Variants in RABGGTB observed in about 807,000 individuals in gnomAD.
The protein encoded by RABGGTB is geranylgeranyl transferase type-2 subunit beta.
A neutral mutation model predicts 44.5 loss-of-function variants in RABGGTB; 20 were observed. The observed-to-expected ratio is 0.45, with a 90% CI of 0.32 to 0.65. The LOEUF is 0.65. Ranked by LOEUF, RABGGTB falls within the 30% of genes least tolerant of loss-of-function variation. The pLI is 0.05. For synonymous variants in RABGGTB, 128 were observed against 136.7 expected (o/e 0.94, Z 0.44); for missense variants, 302 against 398.7 (o/e 0.76, Z 2.06).
intron 7 of RABGGTB, 27 bp from the exon 8 acceptor site, chr1:75,794,057 A>G: frequency 6.5e-7 from 1 of 1,546,032 alleles, no homozygotes. Context: ...AAGAGAATGA[A>G]ATTGTGGCAA....
At chr1:75,789,846 T>C in intron 3 of RABGGTB, 106 bp from the exon 4 acceptor site, 1 of 809,080 alleles carries the variant, frequency 1.2e-6, no homozygotes, top group South Asian at 1.5e-5. Flanking sequence ...AAAGGTTATA[T>C]ACACAGAGAC....
chr1:75,794,588 G>T lies in RABGGTB; in HGVS notation c.934G>T (p.Val312Phe). The T allele has an allele frequency of 6.2e-7, 1 of 1,613,010 alleles. No individual in the cohort carries two copies. The highest frequency in any genetic ancestry group is 2.2e-5 in the East Asian group (1 of 44,812). Residue 312 changes from valine (V) to phenylalanine (F), a missense_variant, in exon 9 of 9, where the codon GTC becomes TTC. Val to Phe is a conservative substitution (Grantham distance 50, BLOSUM62 -1). Transcript: ENST00000319942. ...GEEQIKPVNP[V>F]FCMPEEVLQR... Reference sequence around the variant, plus strand: ...AGAACAGATTAAACCTGTTAATCCTGTCTTTTGCATGCCTGAAGAAGTGCT... The same window carrying T: ...AGAACAGATTAAACCTGTTAATCCTTTCTTTTGCATGCCTGAAGAAGTGCT...
intron 8 of RABGGTB, 73 bp from the exon 9 acceptor site, chr1:75,794,437 G>T: frequency 6.8e-7 from 1 of 1,467,124 alleles, no homozygotes; most frequent in Non-Finnish European, 9.3e-7. Flanking sequence ...ATATGGTAAA[G>T]GTCAGGTATT....
chr1:75,794,998 A>G lies in RABGGTB; in HGVS notation c.*348A>G, dbSNP rs1437025097. 2.2e-5 allele frequency: 5 copies of G among 230,702 alleles called. No individual in the cohort carries two copies. The highest frequency in any genetic ancestry group is 4.4e-5 in the Non-Finnish European group (5 of 114,436). The allele number at this position is 230,702 out of a possible 1,614,324, so 14.3% of individuals were successfully genotyped here. ...GCAAGTTGATGTAAATTGGTTTGTC[A>G]ACAAGAATGTTAACTGATGAAAGTG... On this transcript the variant is annotated 3_prime_UTR_variant, in exon 9 of 9. Coordinates refer to ENST00000319942, the MANE Select transcript of RABGGTB (RefSeq NM_004582.4).
chr1:75,794,320 G>A (rs1375158032), intron 8 of RABGGTB, 87 bp downstream of exon 8: 16 of 1,462,262 alleles, frequency 1.1e-5, no homozygotes, highest in South Asian at 7.0e-5. Flanking sequence ...GTGGCATTCC[G>A]AGTGTTGCTT....
At chr1:75,791,986 C>T (rs1346946865) in intron 6 of RABGGTB, 195 bp from the exon 7 acceptor site, 3 of 492,398 alleles carry the variant, frequency 6.1e-6, no homozygotes, top group East Asian at 6.5e-5. Flanking sequence ...AATAATATTT[C>T]AGTGCAGAAT....
chr1:75,787,330 C>T (rs1020421158), intron 1 of RABGGTB, 167 bp from the exon 2 acceptor site: 13 of 627,550 alleles, frequency 2.1e-5, no homozygotes, highest in Non-Finnish European at 3.4e-5. Context: ...CTGGCTCAAG[C>T]GATCTTCTAC....
intron 7 of RABGGTB, 112 bp from the exon 8 acceptor site, chr1:75,793,972 G>T: frequency 8.9e-7 from 1 of 1,118,204 alleles, no homozygotes; most frequent in South Asian, 2.0e-5. Context: ...CACATGGTTT[G>T]ACACTTTGAA....
Position 75,791,465 on chromosome 1 carries a change from A to G in RABGGTB, c.473A>G (p.Lys158Arg). 14 of 1,610,490 alleles carry G rather than the reference A, an allele frequency of 8.7e-6. No homozygotes were observed. The highest frequency in any genetic ancestry group is 1.2e-5 in the Non-Finnish European group (14 of 1,178,856). ...CAVATLALLG[K>R]LDAINVEKAI... ...CATCTTTTTTTTTGTTTGTAGGGGA[A>G]GCTTGATGCTATTAATGTGGAAAAG... The change falls in exon 6 of 9, where the codon AAG (lysine) becomes AGG (arginine). Residue 158 changes from lysine (K) to arginine (R), a missense_variant. Lys to Arg is a conservative substitution (Grantham distance 26). This residue lies in a region of RABGGTB where 213 missense variants were observed against 323.7 expected (regional missense o/e 0.66). Coordinates refer to ENST00000319942, the MANE Select transcript of RABGGTB (RefSeq NM_004582.4).
intron 6 of RABGGTB, 142 bp from the exon 7 acceptor site, chr1:75,792,039 G>A: frequency 1.5e-6 from 1 of 678,296 alleles, no homozygotes; most frequent in Non-Finnish European, 2.4e-6. Flanking sequence ...CAGATATGTG[G>A]TATTAATACA....
At chr1:75,791,402 T>G in intron 5 of RABGGTB, 59 bp from the exon 6 acceptor site, 2 of 1,578,088 alleles carry the variant, frequency 1.3e-6, no homozygotes, top group Non-Finnish European at 1.7e-6. Context: ...TTTTTTTTTT[T>G]TGAGTCTGAT....
chr1:75,789,004 A>T, intron 2 of RABGGTB, 155 bp from the exon 3 acceptor site: 1 of 633,120 alleles, frequency 1.6e-6, no homozygotes, highest in Non-Finnish European at 2.8e-6. Flanking sequence ...TCTAACATTG[A>T]GCAGCACAGA....
intron 7 of RABGGTB, 30 bp from the exon 8 acceptor site, chr1:75,794,054 T>G (rs1160602005): frequency 3.2e-6 from 5 of 1,544,634 alleles, no homozygotes; most frequent in East Asian, 2.3e-5. Context: ...TAAAAGAGAA[T>G]GAAATTGTGG....
chr1:75,787,709 G>T, intron 2 of RABGGTB, 105 bp downstream of exon 2: 1 of 870,000 alleles, frequency 1.1e-6, no homozygotes, highest in Non-Finnish European at 1.9e-6. Context: ...ACTCCATGCA[G>T]AGAACTGAGG....
At chr1:75,790,275 G>A (rs768541605) in intron 4 of RABGGTB, 105 of 1,233,214 alleles carry the variant, frequency 8.5e-5, no homozygotes, top group Non-Finnish European at 1.0e-4. Flanking sequence ...AAAAGATAAG[G>A]TAGGTGGAAT....
intron 4 of RABGGTB, 121 bp downstream of exon 4, chr1:75,790,178 G>C: frequency 1.3e-6 from 2 of 1,497,632 alleles, no homozygotes; most frequent in Non-Finnish European, 1.8e-6. Context: ...GGTCTAACTG[G>C]AGTTAATGGT....
intron 1 of RABGGTB, chr1:75,786,612 T>C (rs978988483): frequency 8.8e-6 from 3 of 339,528 alleles, no homozygotes; most frequent in African/African-American, 4.3e-5. Context: ...AAATCGTTAG[T>C]GATGTGGTCT....
At chr1:75,789,592 A>G (rs1348489507) in intron 3 of RABGGTB, 9 of 714,934 alleles carry the variant, frequency 1.3e-5, no homozygotes, top group African/African-American at 8.6e-5. Flanking sequence ...ATACTGTAAA[A>G]TAGCTAAATG....
rs775926738 is a variant in RABGGTB at position 75,792,185 on chromosome 1, A to G, written c.584A>G (p.Tyr195Cys). The G allele has an allele frequency of 2.7e-5, 44 of 1,604,338 alleles. No homozygotes were observed. Among genetic ancestry groups the G allele is most frequent in the Non-Finnish European group, 3.6e-5 (42 of 1,171,262 alleles). ...PGSESHAGQIYCCTGFLAITS... is the reference protein window; with the variant it reads ...PGSESHAGQICCCTGFLAITS... ...ACTTTATGTCTGTAATTTTAGATCT[A>G]TTGTTGCACAGGATTTCTGGCAATT... Residue 195 changes from tyrosine (Y) to cysteine (C), a missense_variant, in exon 7 of 9, where the codon TAT becomes TGT. This residue lies in a region of RABGGTB where 213 missense variants were observed against 323.7 expected (regional missense o/e 0.66). Transcript: ENST00000319942.
Sources: allele counts gnomAD v4.1 joint callset, GRCh38; gene constraint gnomAD v4.1.1; regional missense constraint gnomAD v4.1.1; transcripts MANE v1.5; gene names NCBI Gene and HGNC (gene_info 2026-07-23, HGNC 2026-07-21).